ATXN10: variants seen among roughly 807,000 people sequenced by gnomAD.
ATXN10 encodes the protein ataxin-10.
In ATXN10, 28 loss-of-function variants were observed where a neutral mutation model predicts 52.9. That is an observed-to-expected ratio of 0.53 (90% CI 0.39 to 0.73). The LOEUF (loss-of-function observed/expected upper bound fraction) is 0.73, where lower values mean the gene tolerates loss of function less well. ATXN10 is among the 30% of genes least tolerant of loss of function. ATXN10 has a pLI of 0.00. For synonymous variants in ATXN10, 226 were observed against 221.5 expected (o/e 1.02, Z -0.18); for missense variants, 565 against 577.0 (o/e 0.98, Z 0.21).
At position 45,757,634 on chromosome 22, in the gene ATXN10, T is replaced by G. The variant is rs1331330019; in HGVS notation, c.1173+17096T>G. On this transcript the variant is annotated intron_variant, in intron 9 of 11. Coordinates refer to ENST00000252934, the MANE Select transcript of ATXN10 (RefSeq NM_013236.4). The surrounding 1 kb of genome is among the most constrained non-coding windows in gnomAD (Gnocchi z 4.6). ...GAAAAAAAAAAACATTAGTACAGTA[T>G]TAGTAAATATGGATGGGATAAAATT... Among the ~76,000 whole-genome samples, 2 of 152,112 alleles carry G rather than the reference T, an allele frequency of 1.3e-5. No individual in the cohort carries two copies. Among genetic ancestry groups the G allele is most frequent in the Non-Finnish European group, 2.9e-5 (2 of 68,014 alleles).
chr22:45,735,285 C>G (rs1264775375), intron 7 of ATXN10, among the ~76,000 whole-genome samples: 1 of 151,810 alleles, frequency 6.6e-6, no homozygotes, highest in African/African-American at 2.4e-5. Flanking sequence ...TAATCTTATC[C>G]TTTCCACTAA....
chr22:45,763,045 G>A lies in ATXN10; in HGVS notation c.1173+22507G>A, dbSNP rs1419145351. ...TTTGTAAAGCCATGGCCTCTCCTGC[G>A]CAAAGAACTGCGTGGTCCCTTTTCC... is the stretch of plus-strand genomic sequence containing the variant. On this transcript the variant is annotated intron_variant, in intron 9 of 11. Transcript: ENST00000252934. This position sits in a 1 kb window ranked among gnomAD's most constrained non-coding sequence, Gnocchi z 6.9. Among the ~76,000 whole-genome samples, 3 of 152,208 alleles carry A rather than the reference G, an allele frequency of 2.0e-5. No homozygotes were observed. Among genetic ancestry groups the A allele is most frequent in the East Asian group, 1.9e-4 (1 of 5,194 alleles).
rs1927127327 is a variant in ATXN10, at chr22:45,780,915, C to G, written c.1174-26044C>G. Among the ~76,000 whole-genome samples, 1 of 152,102 alleles carries G rather than the reference C, an allele frequency of 6.6e-6. No homozygotes were observed. The highest frequency in any genetic ancestry group is 2.1e-4 in the South Asian group (1 of 4,816). ...TGACAGGTGGGGAGAAGACGGCATACTAGCAAGGGGCCTTGAGACTCAGAA... is the reference window on the plus strand; with the variant it reads ...TGACAGGTGGGGAGAAGACGGCATAGTAGCAAGGGGCCTTGAGACTCAGAA... On this transcript the variant is annotated intron_variant, in intron 9 of 11. Coordinates refer to ENST00000252934, the MANE Select transcript of ATXN10 (RefSeq NM_013236.4). This position sits in a 1 kb window ranked among gnomAD's most constrained non-coding sequence, Gnocchi z 4.0.
rs1925498150 is a variant in ATXN10 at position 45,740,752 on chromosome 22, G to GTA, written c.1173+215_1173+216insAT. ...TACACACACACACGTGTGTGTGTGT[G>GTA]TGTATATATATATATGTATATGTTA... On this transcript the variant is annotated intron_variant, in intron 9 of 11. Transcript: ENST00000252934. The GTA allele has an allele frequency of 9.4e-5, 31 of 328,328 alleles. 1 individual carries two copies. The highest frequency in any genetic ancestry group is 4.8e-4 in the East Asian group (8 of 16,828). 20.3% of individuals were successfully genotyped at this position (328,328 alleles called of 1,614,324 possible). A position where few individuals can be genotyped will look rare whatever the true frequency, so the allele number is the denominator to read the frequency against.
rs1922451617 is a variant in ATXN10 at position 45,671,897 on chromosome 22, A to T, written c.-167A>T. 1.4e-6 allele frequency: 1 copy of T among 700,156 alleles called. No homozygotes were observed. Among genetic ancestry groups the T allele is most frequent in the East Asian group, 3.3e-5 (1 of 30,670 alleles). The allele number at this position is 700,156 out of a possible 1,614,324, so 43.4% of individuals were successfully genotyped here. On this transcript the variant is annotated 5_prime_UTR_variant, in exon 1 of 12. Transcript: ENST00000252934. ...GCCTAGAGCTCTCCGGCGGCGGCGCAGCTTCAGGGCAGCGCGGGCTGCAGC... is the reference window on the plus strand; with the variant it reads ...GCCTAGAGCTCTCCGGCGGCGGCGCTGCTTCAGGGCAGCGCGGGCTGCAGC...
chr22:45,807,390 A>G lies in ATXN10; in HGVS notation c.1237+368A>G, dbSNP rs1332512467. Among the ~76,000 whole-genome samples the G allele has an allele frequency of 2.0e-5, 3 of 152,172 alleles. No homozygotes were observed. The South Asian group carries it at 6.2e-4, about 32-fold the overall frequency. On this transcript the variant is annotated intron_variant, in intron 10 of 11. Coordinates refer to ENST00000252934, the MANE Select transcript of ATXN10 (RefSeq NM_013236.4). The stretch of plus-strand genomic sequence containing the variant: ...ACGAACTATGGCATATTGTTTTGCT[A>G]TAGAGATTCTGAGTACCCAGTCTTT...
chr22:45,826,997 T>G lies in ATXN10; in HGVS notation c.1238-15994T>G, dbSNP rs1292089224. Among the ~76,000 whole-genome samples the G allele has an allele frequency of 1.3e-5, 2 of 152,242 alleles. No individual in the cohort carries two copies. The highest frequency in any genetic ancestry group is 2.9e-5 in the Non-Finnish European group (2 of 68,042). On this transcript the variant is annotated intron_variant, in intron 10 of 11. Coordinates refer to ENST00000252934, the MANE Select transcript of ATXN10 (RefSeq NM_013236.4). This position sits in a 1 kb window ranked among gnomAD's most constrained non-coding sequence, Gnocchi z 5.0. ...ACACAGCATATAAGGTTTTAATTTT[T>G]TTTATGTTAACCGAAAGGAGTAAAC...
chr22:45,801,685 A>G (rs1046010818), intron 9 of ATXN10, among the ~76,000 whole-genome samples: 4 of 152,248 alleles, frequency 2.6e-5, no homozygotes, highest in Non-Finnish European at 4.4e-5. Flanking sequence ...TTATGATTGT[A>G]GAAGTAGATC....
intron 10 of ATXN10, among the ~76,000 whole-genome samples, chr22:45,807,376 C>T (rs1444813249): frequency 6.6e-6 from 1 of 152,140 alleles, no homozygotes; most frequent in Non-Finnish European, 1.5e-5. Context: ...CGAACTATGG[C>T]ATATTGTTTT....
chr22:45,830,554 A>G (rs1601673805), intron 10 of ATXN10, among the ~76,000 whole-genome samples: 1 of 152,304 alleles, frequency 6.6e-6, no homozygotes, highest in African/African-American at 2.4e-5. Context: ...ACTTGAGTAC[A>G]CATTTCTCCA....
Position 45,820,144 on chromosome 22 carries a change from G to A in ATXN10, c.1237+13122G>A, listed in dbSNP as rs1336108914. 6.6e-6 allele frequency among the ~76,000 whole-genome samples: 1 copy of A among 152,184 alleles called. No homozygotes were observed. Among genetic ancestry groups the A allele is most frequent in the African/African-American group, 2.4e-5 (1 of 41,426 alleles). ...TATTCTAGGACCAATACATTAAAAAGCAAAAACGTATTGGGCCTGTTGGAT... is the reference window on the plus strand; with the variant it reads ...TATTCTAGGACCAATACATTAAAAAACAAAAACGTATTGGGCCTGTTGGAT... On this transcript the variant is annotated intron_variant, in intron 10 of 11. Transcript: ENST00000252934. The surrounding 1 kb of genome is among the most constrained non-coding windows in gnomAD (Gnocchi z 4.9).
In ATXN10 at chr22:45,825,008, A is replaced by G. The variant is rs1478487961; in HGVS notation, c.1238-17983A>G. Reference sequence around the variant, plus strand: ...GGTAAAGTGGAGTTAACTTCTGTCAATTTCAGCTCTAGCTCAGTAGCAGCT... The same window carrying G: ...GGTAAAGTGGAGTTAACTTCTGTCAGTTTCAGCTCTAGCTCAGTAGCAGCT... On this transcript the variant is annotated intron_variant, in intron 10 of 11. Coordinates refer to ENST00000252934, the MANE Select transcript of ATXN10 (RefSeq NM_013236.4). The surrounding 1 kb of genome is among the most constrained non-coding windows in gnomAD (Gnocchi z 4.5). Among the ~76,000 whole-genome samples, 5 of 152,188 alleles carry G rather than the reference A, an allele frequency of 3.3e-5. No homozygotes were observed. The highest frequency in any genetic ancestry group is 7.2e-5 in the African/African-American group (3 of 41,448).
chr22:45,772,375 C>G lies in ATXN10; in HGVS notation c.1173+31837C>G, dbSNP rs2146842479. 1.3e-5 allele frequency among the ~76,000 whole-genome samples: 2 copies of G among 152,288 alleles called. No homozygotes were observed. The highest frequency in any genetic ancestry group is 6.8e-3 in the Middle Eastern group (2 of 294). On this transcript the variant is annotated intron_variant, in intron 9 of 11. Coordinates refer to ENST00000252934, the MANE Select transcript of ATXN10 (RefSeq NM_013236.4). The surrounding 1 kb of genome is among the most constrained non-coding windows in gnomAD (Gnocchi z 4.1). Reference sequence around the variant, plus strand: ...TTGCTTTTGCACCTTTGTCAAAGATCAAATGGCCCAATTTGTGTGGGTCTG... The same window carrying G: ...TTGCTTTTGCACCTTTGTCAAAGATGAAATGGCCCAATTTGTGTGGGTCTG...
rs2146858851 is a variant in ATXN10 at position 45,786,201 on chromosome 22, T to C, written c.1174-20758T>C. Among the ~76,000 whole-genome samples, 1 of 152,322 alleles carries C rather than the reference T, an allele frequency of 6.6e-6. No individual in the cohort carries two copies. The highest frequency in any genetic ancestry group is 1.5e-5 in the Non-Finnish European group (1 of 68,028). On this transcript the variant is annotated intron_variant, in intron 9 of 11. Transcript: ENST00000252934. The surrounding 1 kb of genome is among the most constrained non-coding windows in gnomAD (Gnocchi z 4.1). ...TCAGAGAATATTTGTATTAATCACATTGTGTTTTGTACTTCCGGGTACTTT... is the reference window on the plus strand; with the variant it reads ...TCAGAGAATATTTGTATTAATCACACTGTGTTTTGTACTTCCGGGTACTTT...
Position 45,784,412 on chromosome 22 carries a change from A to G in ATXN10, c.1174-22547A>G, listed in dbSNP as rs1346024076. On this transcript the variant is annotated intron_variant, in intron 9 of 11. Transcript: ENST00000252934. The surrounding 1 kb of genome is among the most constrained non-coding windows in gnomAD (Gnocchi z 4.2). ...TTTCCCTCGCCTATTTCCCATTTTC[A>G]AGCAGAGCTAACACAGCTTCTAAGA... Among the ~76,000 whole-genome samples the G allele has an allele frequency of 6.6e-6, 1 of 152,190 alleles. No homozygotes were observed. The highest frequency in any genetic ancestry group is 1.5e-5 in the Non-Finnish European group (1 of 68,040).
At chr22:45,704,590 A>G (rs1233009043) in intron 5 of ATXN10, among the ~76,000 whole-genome samples, 4 of 152,226 alleles carry the variant, frequency 2.6e-5, no homozygotes, top group Admixed American at 2.6e-4. Context: ...GCTAATGTGT[A>G]GAAATACAAC....
chr22:45,779,711 A>G (rs912684665), intron 9 of ATXN10, among the ~76,000 whole-genome samples: 1 of 152,204 alleles, frequency 6.6e-6, no homozygotes, highest in Non-Finnish European at 1.5e-5. Flanking sequence ...CCAATTCTAT[A>G]TTGCCTTGCA....
intron 7 of ATXN10, among the ~76,000 whole-genome samples, chr22:45,735,425 A>G (rs1007942139): frequency 4.0e-5 from 6 of 151,862 alleles, no homozygotes; most frequent in African/African-American, 1.2e-4. Context: ...ATCATATCCT[A>G]AATTCTTTTA....
chr22:45,839,942 G>C (rs1487442156), intron 10 of ATXN10, among the ~76,000 whole-genome samples: 1 of 152,244 alleles, frequency 6.6e-6, no homozygotes, highest in Non-Finnish European at 1.5e-5. Context: ...ATGAGAGATA[G>C]CATGCTTACA....
Sources: allele counts gnomAD v4.1 joint callset (sites outside exome capture counted in the v4.1 genomes callset), GRCh38; gene constraint gnomAD v4.1.1; non-coding constraint Gnocchi (gnomAD v3.1); transcripts MANE v1.5; gene names NCBI Gene and HGNC (gene_info 2026-07-23, HGNC 2026-07-21).